Variants in HBEGF observed in about 807,000 individuals in gnomAD.
HBEGF encodes the protein heparin binding EGF like growth factor, also known as proheparin-binding EGF-like growth factor.
HBEGF carries 8 observed loss-of-function variants against 19.5 expected under a neutral mutation model. The ratio of observed to expected loss-of-function variants is 0.41; its 90% CI spans 0.24 to 0.74. The LOEUF (loss-of-function observed/expected upper bound fraction) is 0.74, where lower values mean the gene tolerates loss of function less well. Ranked by LOEUF, HBEGF falls within the 30% of genes least tolerant of loss-of-function variation. The probability of loss-of-function intolerance (pLI) is 0.32; values close to 1 mark genes in which losing one functional copy is unlikely to be tolerated. For synonymous variants in HBEGF, 97 were observed against 108.9 expected (o/e 0.89, Z 0.68); for missense variants, 207 against 256.9 (o/e 0.81, Z 1.33).
chr5:140,336,492 T>C (rs1429327978), intron 3 of HBEGF, among the ~76,000 whole-genome samples: 1 of 152,188 alleles, frequency 6.6e-6, no homozygotes, highest in Non-Finnish European at 1.5e-5. Context: ...AAACCCAGCC[T>C]TCCCCATCGT....
Position 140,346,575 on chromosome 5 carries a change from C to G in HBEGF, c.-247G>C, listed in dbSNP as rs778978433. ...GCGCCTAGGTCAGGCCAGCCAGCAG[C>G]GTGGCCCGCGTAGCTCCTTCGGCCG... On this transcript the variant is annotated 5_prime_UTR_variant, in exon 1 of 6. Transcript: ENST00000230990. This position sits in a 1 kb window ranked among gnomAD's most constrained non-coding sequence, Gnocchi z 6.1. 4 of 554,684 alleles carry G rather than the reference C, an allele frequency of 7.2e-6. No homozygotes were observed. Among genetic ancestry groups the G allele is most frequent in the Admixed American group, 6.5e-5 (2 of 30,842 alleles). The allele number at this position is 554,684 out of a possible 1,614,324, so 34.4% of individuals were successfully genotyped here.
chr5:140,336,158 A>G (rs930799433), intron 3 of HBEGF, 131 bp from the exon 4 acceptor site: 20 of 827,930 alleles, frequency 2.4e-5, no homozygotes, highest in Non-Finnish European at 3.4e-5. Context: ...ATCCCTGCCC[A>G]TCCTCCATCC....
chr5:140,346,413 G>C lies in HBEGF; in HGVS notation c.-85C>G. Reference sequence around the variant, plus strand: ...GCGCTGGCACCAGAGCTGGGCGGCGGAGCTCAGGAGATTCCGCCGGGCACC... The same window carrying C: ...GCGCTGGCACCAGAGCTGGGCGGCGCAGCTCAGGAGATTCCGCCGGGCACC... On this transcript the variant is annotated 5_prime_UTR_variant, in exon 1 of 6. Transcript: ENST00000230990. The surrounding 1 kb of genome is among the most constrained non-coding windows in gnomAD (Gnocchi z 6.1). 6.9e-7 allele frequency: 1 copy of C among 1,457,388 alleles called. No homozygotes were observed. Among genetic ancestry groups the C allele is most frequent in the Non-Finnish European group, 9.4e-7 (1 of 1,067,892 alleles). The allele number at this position is 1,457,388 out of a possible 1,614,324, so 90.3% of individuals were successfully genotyped here. A position where few individuals can be genotyped will look rare whatever the true frequency, so the allele number is the denominator to read the frequency against.
intron 4 of HBEGF, 39 bp downstream of exon 4, chr5:140,335,833 G>T (rs111437230): frequency 1.2e-6 from 2 of 1,605,580 alleles, no homozygotes; most frequent in East Asian, 4.5e-5. Context: ...GAAAGGGAGT[G>T]ATTTGCAGAA....
chr5:140,338,763 A>G (rs1410459214), intron 3 of HBEGF, among the ~76,000 whole-genome samples: 4 of 152,074 alleles, frequency 2.6e-5, no homozygotes, highest in Non-Finnish European at 5.9e-5. Context: ...CACCCACCAG[A>G]CTAGGACACA....
intron 4 of HBEGF, 32 bp from the exon 5 acceptor site, chr5:140,334,780 G>A (rs753670974): frequency 3.9e-5 from 59 of 1,528,298 alleles, no homozygotes; most frequent in Middle Eastern, 1.7e-4. Flanking sequence ...AATAAGCCCT[G>A]CCTGCTATGA....
Position 140,346,146 on chromosome 5 carries a change from A to T in HBEGF, c.47-62T>A. On this transcript the variant is annotated intron_variant, in intron 1 of 5. Coordinates refer to ENST00000230990, the MANE Select transcript of HBEGF (RefSeq NM_001945.3). This position sits in a 1 kb window ranked among gnomAD's most constrained non-coding sequence, Gnocchi z 6.1. ...CCAGACCCCTGACCAACACGCACCG[A>T]TGCCGACGCCCGTCCGCCAGAGCGC... 3 of 1,574,368 alleles carry T rather than the reference A, an allele frequency of 1.9e-6. No individual in the cohort carries two copies. The highest frequency in any genetic ancestry group is 2.6e-6 in the Non-Finnish European group (3 of 1,161,100).
intron 3 of HBEGF, among the ~76,000 whole-genome samples, chr5:140,342,193 C>A (rs1348810484): frequency 1.3e-5 from 2 of 152,164 alleles, no homozygotes; most frequent in Admixed American, 6.5e-5. Context: ...CTTACATGCA[C>A]ATAAACCCAA....
In HBEGF at chr5:140,334,699, A is replaced by G; in HGVS notation, c.604T>C (p.Leu202=). 6.2e-7 allele frequency: 1 copy of G among 1,613,852 alleles called. No individual in the cohort carries two copies. Among genetic ancestry groups the G allele is most frequent in the South Asian group, 1.1e-5 (1 of 91,066 alleles). The change falls in exon 5 of 6, where the codon TTG becomes CTG. Residue 202 remains leucine, a synonymous_variant. Coordinates refer to ENST00000230990, the MANE Select transcript of HBEGF (RefSeq NM_001945.3). ...TCTCAGTGGGAATTAGTCATGCCCAACTTCACTTTCTCTTCATTTTCCACA... is the reference window on the plus strand; with the variant it reads ...TCTCAGTGGGAATTAGTCATGCCCAGCTTCACTTTCTCTTCATTTTCCACA... The part of the protein sequence containing the change: ...YDVENEEKVK[L]GMTNSH
At chr5:140,334,571 T>C (rs774960564) in intron 5 of HBEGF, 87 bp downstream of exon 5, 4 of 880,488 alleles carry the variant, frequency 4.5e-6, no homozygotes, top group Non-Finnish European at 5.9e-6. Context: ...CCCCAACCCC[T>C]ATATGAAGAA....
chr5:140,338,327 A>C (rs1248874128), intron 3 of HBEGF, among the ~76,000 whole-genome samples: 1 of 152,222 alleles, frequency 6.6e-6, no homozygotes, highest in African/African-American at 2.4e-5. Context: ...AGGAGAAGTT[A>C]CTAGCCCCAT....
rs752308223 is a variant in HBEGF, at chr5:140,335,383, C to CA, written c.554+488dup. Among the ~76,000 whole-genome samples the CA allele has an allele frequency of 4.5e-3, 410 of 90,874 alleles. 2 individuals carry two copies. Among genetic ancestry groups the CA allele is most frequent in the Non-Finnish European group, 5.5e-3 (236 of 43,280 alleles). 59.6% of individuals were successfully genotyped at this position (90,874 alleles called of 152,430 possible). On this transcript the variant is annotated intron_variant, in intron 4 of 5. Coordinates refer to ENST00000230990, the MANE Select transcript of HBEGF (RefSeq NM_001945.3). ...TGGGCGACAGAGCAAGACTCTGTCT[C>CA]AAAAAAAAAAAAAAAAAAAGAAAGA...
chr5:140,345,911 C>A lies in HBEGF; in HGVS notation c.220G>T (p.Val74Phe), dbSNP rs1258694716. ...LQEADLDLLR[V>F]TLSSKPQALA... ...AAGGATGGGGGGCCTCCACACCCAC[C>A]TCTCAAAAGGTCCAGATCTGCCTCT... is the stretch of plus-strand genomic sequence containing the variant. Residue 74 changes from valine to phenylalanine, a missense_variant and splice_region_variant, in exon 2 of 6, where the codon GTC (valine) becomes TTC (phenylalanine). Val to Phe is a conservative substitution (Grantham distance 50). This residue lies in a region of HBEGF where 127 missense variants were observed against 132.7 expected (regional missense o/e 0.96). Coordinates refer to ENST00000230990, the MANE Select transcript of HBEGF (RefSeq NM_001945.3). The A allele has an allele frequency of 4.3e-6, 7 of 1,614,126 alleles. No individual in the cohort carries two copies. Among genetic ancestry groups the A allele is most frequent in the Non-Finnish European group, 5.9e-6 (7 of 1,180,002 alleles).
At chr5:140,337,223 C>T (rs928188374) in intron 3 of HBEGF, among the ~76,000 whole-genome samples, 1 of 152,224 alleles carries the variant, frequency 6.6e-6, no homozygotes, top group Non-Finnish European at 1.5e-5. Context: ...CACATCCTTT[C>T]CTTTATCTGA....
At position 140,335,952 on chromosome 5, in the gene HBEGF, G is replaced by A. The variant is rs1167159966; in HGVS notation, c.474C>T (p.Asp158=). 1 of 1,614,160 alleles carries A rather than the reference G, an allele frequency of 6.2e-7. No homozygotes were observed. The highest frequency in any genetic ancestry group is 2.2e-5 in the East Asian group (1 of 44,882). ...LPVENRLYTY[D]HTTILAVVAV... ...CCACCACGGCCAGGATGGTTGTGTG[G>A]TCATAGGTATATAAGCGATTTTCCA... The change falls in exon 4 of 6, where the codon GAC becomes GAT. Residue 158 remains aspartate (D), a synonymous_variant. Transcript: ENST00000230990.
intron 3 of HBEGF, among the ~76,000 whole-genome samples, chr5:140,341,812 C>A (rs1766317167): frequency 6.6e-6 from 1 of 152,200 alleles, no homozygotes; most frequent in Admixed American, 6.5e-5. Context: ...GGCACAGTGG[C>A]AACATTATGC....
intron 4 of HBEGF, 113 bp from the exon 5 acceptor site, chr5:140,334,861 G>C: frequency 1.1e-6 from 1 of 877,256 alleles, no homozygotes; most frequent in Non-Finnish European, 1.9e-6. Flanking sequence ...ACTTGGAAAA[G>C]CCCAGGCAGT....
At chr5:140,340,582 CAAAAAAAAA>C (rs61489261) in intron 3 of HBEGF, among the ~76,000 whole-genome samples, 1 of 59,840 alleles carries the variant, frequency 1.7e-5, no homozygotes, top group African/African-American at 6.2e-5. Flanking sequence ...GACTCTGTCT[CAAAAAAAAA>C]AAAAAAAAAA....
chr5:140,344,037 C>T (rs998510146), intron 2 of HBEGF, among the ~76,000 whole-genome samples: 2 of 151,884 alleles, frequency 1.3e-5, no homozygotes, highest in African/African-American at 4.8e-5. Context: ...ACTCAGGAGG[C>T]TGAGGCAGGA....
Sources: allele counts gnomAD v4.1 joint callset (sites outside exome capture counted in the v4.1 genomes callset), GRCh38; gene constraint gnomAD v4.1.1; regional missense constraint gnomAD v4.1.1; non-coding constraint Gnocchi (gnomAD v3.1); transcripts MANE v1.5; gene names NCBI Gene and HGNC (gene_info 2026-07-23, HGNC 2026-07-21).